The following LIPC variants were observed in gnomAD, a reference collection of about 807,000 sequenced individuals.
LIPC encodes the protein lipase C, hepatic type.
In LIPC, 44 loss-of-function variants were observed where a neutral mutation model predicts 50.7. That is an observed-to-expected ratio of 0.87 (90% CI 0.68 to 1.11). The LOEUF is 1.11. Ranked by LOEUF, LIPC falls within the 50% of genes most tolerant of loss-of-function variation. The pLI is 0.00. For synonymous variants in LIPC, 271 were observed against 256.4 expected (o/e 1.06, Z -0.54); for missense variants, 697 against 648.2 (o/e 1.08, Z -0.82).
chr15:58,487,921 A>C (rs1340408461), intron 1 of LIPC, among the ~76,000 whole-genome samples: 1 of 152,206 alleles, frequency 6.6e-6, no homozygotes, highest in Admixed American at 6.5e-5. Flanking sequence ...TCAGCCACTA[A>C]GTAGCCATAT....
At chr15:58,511,086 G>A (rs550620113) in intron 1 of LIPC, among the ~76,000 whole-genome samples, 1 of 152,304 alleles carries the variant, frequency 6.6e-6, no homozygotes, top group African/African-American at 2.4e-5. Flanking sequence ...CTCAGCTAAT[G>A]CCTGGAAGAC....
intron 1 of LIPC, among the ~76,000 whole-genome samples, chr15:58,447,248 C>A (rs185851133): frequency 3.1e-4 from 47 of 152,036 alleles, no homozygotes; most frequent in African/African-American, 1.0e-3. Flanking sequence ...CCCAGAGACC[C>A]AGGTGACCTA....
chr15:58,456,878 A>T (rs572306519), intron 1 of LIPC, among the ~76,000 whole-genome samples: 2 of 152,256 alleles, frequency 1.3e-5, no homozygotes, highest in Non-Finnish European at 2.9e-5. Context: ...GGAAAAACAG[A>T]AGTTATTCTA....
At chr15:58,436,215 A>G (rs1436625959) in intron 1 of LIPC, 1 of 156,974 alleles carries the variant, frequency 6.4e-6, no homozygotes, top group Non-Finnish European at 1.4e-5. Flanking sequence ...CTCCAACCTC[A>G]GTGGCACTTA....
At chr15:58,559,680 G>A (rs1894084866) in intron 6 of LIPC, among the ~76,000 whole-genome samples, 1 of 145,136 alleles carries the variant, frequency 6.9e-6, no homozygotes. Flanking sequence ...CCAAGCCTCA[G>A]TGACAGAGAG....
chr15:58,457,033 C>T (rs1230514131), intron 1 of LIPC, among the ~76,000 whole-genome samples: 1 of 152,212 alleles, frequency 6.6e-6, no homozygotes, highest in Non-Finnish European at 1.5e-5. Flanking sequence ...CCTTTGTCAG[C>T]ATGCAGGTAT....
At chr15:58,566,033 C>CT in intron 8 of LIPC, 1 of 984,584 alleles carries the variant, frequency 1.0e-6, no homozygotes, top group African/African-American at 1.7e-5. Flanking sequence ...GCTTCTCAAA[C>CT]TTTCACGAGC....
At chr15:58,486,783 A>C (rs138477577) in intron 1 of LIPC, among the ~76,000 whole-genome samples, 1 of 152,340 alleles carries the variant, frequency 6.6e-6, no homozygotes, top group African/African-American at 2.4e-5. Flanking sequence ...TGCCAGTCAG[A>C]AGCGTGGGGG....
At chr15:58,447,321 C>G (rs1167209467) in intron 1 of LIPC, among the ~76,000 whole-genome samples, 2 of 152,148 alleles carry the variant, frequency 1.3e-5, no homozygotes, top group African/African-American at 4.8e-5. Flanking sequence ...ATCGCTTGGA[C>G]TCTCGACTAG....
intron 1 of LIPC, among the ~76,000 whole-genome samples, chr15:58,520,613 C>A (rs534371919): frequency 6.6e-6 from 1 of 152,138 alleles, no homozygotes; most frequent in South Asian, 2.1e-4. Context: ...GTCCCAGAAA[C>A]GCTTGGCCAA....
intron 1 of LIPC, among the ~76,000 whole-genome samples, chr15:58,518,976 G>A (rs758957925): frequency 5.7e-4 from 87 of 151,924 alleles, no homozygotes; most frequent in Non-Finnish European, 1.1e-3. Context: ...AGAAAAGAAT[G>A]TTGACTCTAG....
chr15:58,537,402 A>G (rs1893163152), intron 1 of LIPC, among the ~76,000 whole-genome samples: 1 of 152,200 alleles, frequency 6.6e-6, no homozygotes, highest in South Asian at 2.1e-4. Context: ...GTGATATGTT[A>G]AAAACAATCT....
intron 1 of LIPC, chr15:58,521,437 T>A (rs1294123668): frequency 4.6e-5 from 7 of 152,118 alleles, no homozygotes; most frequent in African/African-American, 1.5e-4. Context: ...GAACTATCCA[T>A]ACATTCTAAT....
chr15:58,507,118 G>A (rs1892177903), intron 1 of LIPC, among the ~76,000 whole-genome samples: 1 of 152,130 alleles, frequency 6.6e-6, no homozygotes, highest in Admixed American at 6.5e-5. Flanking sequence ...GGGGATTATG[G>A]GAACTACAAT....
chr15:58,442,204 C>T (rs1006387672), intron 1 of LIPC, among the ~76,000 whole-genome samples: 59 of 152,272 alleles, frequency 3.9e-4, no homozygotes, highest in East Asian at 7.7e-4. Context: ...GAATGGTCAT[C>T]GTGGTGCCAG....
chr15:58,525,728 A>G (rs1268761624), intron 1 of LIPC, among the ~76,000 whole-genome samples: 1 of 152,200 alleles, frequency 6.6e-6, no homozygotes, highest in East Asian at 1.9e-4. Context: ...GGTCCATCCA[A>G]TCTGTTTAAA....
chr15:58,456,837 T>C (rs1894137408), intron 1 of LIPC, among the ~76,000 whole-genome samples: 2 of 152,270 alleles, frequency 1.3e-5, no homozygotes, highest in African/African-American at 4.8e-5. Context: ...TATGTACATA[T>C]GTTTAAGTAT....
intron 1 of LIPC, among the ~76,000 whole-genome samples, chr15:58,446,005 C>A (rs1893682673): frequency 6.6e-6 from 1 of 152,164 alleles, no homozygotes; most frequent in Non-Finnish European, 1.5e-5. Context: ...CAATGAATTT[C>A]CATATTCCCT....
chr15:58,494,167 A>G (rs1283870593), intron 1 of LIPC, among the ~76,000 whole-genome samples: 2 of 152,246 alleles, frequency 1.3e-5, no homozygotes, highest in Non-Finnish European at 2.9e-5. Flanking sequence ...TCCCACAGCA[A>G]GAGAGAGAAT....
Sources: allele counts gnomAD v4.1 joint callset (sites outside exome capture counted in the v4.1 genomes callset), GRCh38; gene constraint gnomAD v4.1.1; transcripts MANE v1.5; gene names NCBI Gene and HGNC (gene_info 2026-07-23, HGNC 2026-07-21).